EYS: variants seen among roughly 807,000 people sequenced by gnomAD.
EYS encodes the protein EGF-like photoreceptor maintenance factor.
EYS carries 250 observed loss-of-function variants against 282.1 expected under a neutral mutation model. The ratio of observed to expected loss-of-function variants is 0.89; its 90% confidence interval spans 0.80 to 0.98. The LOEUF (loss-of-function observed/expected upper bound fraction) is 0.98. EYS is among the 50% of genes least tolerant of loss of function. The pLI, the probability that EYS is intolerant of heterozygous loss-of-function variation, is 0.00. For missense variants in EYS, 4,016 were observed against 3,709.0 expected (o/e 1.08, Z -2.15); for synonymous variants, 1,355 against 1,282.9 (o/e 1.06, Z -1.20).
intron 1 of EYS, among the ~76,000 whole-genome samples, chr6:65,699,907 G>T (rs1769597734): frequency 6.6e-6 from 1 of 151,678 alleles, no homozygotes; most frequent in Non-Finnish European, 1.5e-5. Flanking sequence ...GAGGTCAGGA[G>T]ATCGAGACCA....
intron 14 of EYS, among the ~76,000 whole-genome samples, chr6:64,984,646 C>G (rs947472003): frequency 6.6e-6 from 1 of 151,286 alleles, no homozygotes; most frequent in East Asian, 1.9e-4. Flanking sequence ...TATTGATAGA[C>G]GAGACTATTT....
intron 12 of EYS, among the ~76,000 whole-genome samples, chr6:65,065,667 G>A (rs1397273242): frequency 6.6e-6 from 1 of 152,034 alleles, no homozygotes; most frequent in Non-Finnish European, 1.5e-5. Flanking sequence ...ACAGGCGTGA[G>A]CCACCACACC....
chr6:65,697,239 C>G lies in EYS; in HGVS notation c.-448+9896G>C, dbSNP rs988679015. On this transcript the variant is annotated intron_variant, in intron 1 of 42. Transcript: ENST00000503581. ...AGTCAATTCTCAGTGTATATCATAA[C>G]GAATAGCTACTTCATCATGTATACT... is the stretch of plus-strand genomic sequence containing the variant. 1.0e-3 allele frequency among the ~76,000 whole-genome samples: 153 copies of G among 151,908 alleles called. 2 individuals are homozygous for G. The highest frequency in any genetic ancestry group is 1.0e-2 in the Admixed American group (152 of 15,246).
At chr6:64,759,950 A>G (rs1412531821) in intron 22 of EYS, among the ~76,000 whole-genome samples, 1 of 152,224 alleles carries the variant, frequency 6.6e-6, no homozygotes, top group Non-Finnish European at 1.5e-5. Context: ...TTTGTACAAT[A>G]TTTGAGGCAA....
intron 22 of EYS, among the ~76,000 whole-genome samples, chr6:64,657,168 G>A (rs2149883442): frequency 6.6e-6 from 1 of 152,172 alleles, no homozygotes; most frequent in South Asian, 2.1e-4. Flanking sequence ...CAGAGACTAG[G>A]ATTGCAACCC....
intron 12 of EYS, among the ~76,000 whole-genome samples, chr6:65,278,942 A>T (rs561353501): frequency 1.3e-5 from 2 of 152,084 alleles, no homozygotes; most frequent in East Asian, 3.9e-4. Flanking sequence ...TAATCCCAGC[A>T]CTTTGGGAGG....
chr6:64,999,535 C>T lies in EYS; in HGVS notation c.2138-1832G>A, dbSNP rs186699056. Among the ~76,000 whole-genome samples the T allele has an allele frequency of 9.2e-5, 14 of 152,264 alleles. No individual in the cohort carries two copies. In the South Asian group the frequency reaches 2.1e-3, roughly 23 times the overall value. On this transcript the variant is annotated intron_variant, in intron 13 of 42. Transcript: ENST00000503581. ...CCACCCCCATGGATCTACGTGAGGA[C>T]GGCACTCCTGCCTTTATGCCAGAAT... is the stretch of plus-strand genomic sequence containing the variant.
At chr6:64,187,997 A>G (rs996505989) in intron 31 of EYS, among the ~76,000 whole-genome samples, 1 of 152,174 alleles carries the variant, frequency 6.6e-6, no homozygotes, top group African/African-American at 2.4e-5. Context: ...TGTAACATAC[A>G]AAGTAATGAG....
chr6:64,736,691 G>A (rs918275001), intron 22 of EYS, among the ~76,000 whole-genome samples: 2 of 151,988 alleles, frequency 1.3e-5, no homozygotes, highest in Admixed American at 6.6e-5. Context: ...TCCTGCTTGA[G>A]GTATTTCTAT....
intron 19 of EYS, among the ~76,000 whole-genome samples, chr6:64,876,204 T>C (rs1337061015): frequency 2.0e-5 from 3 of 152,126 alleles, no homozygotes; most frequent in Non-Finnish European, 2.9e-5. Flanking sequence ...TATTTTAATT[T>C]AGAATGAACC....
chr6:65,332,501 C>A, intron 11 of EYS: 1 of 1,114,486 alleles, frequency 9.0e-7, no homozygotes, highest in Non-Finnish European at 1.3e-6. Context: ...TCCATTTATT[C>A]AGAGTATATA....
chr6:64,048,370 C>T (rs963859095), intron 33 of EYS, among the ~76,000 whole-genome samples: 1 of 151,966 alleles, frequency 6.6e-6, no homozygotes, highest in Non-Finnish European at 1.5e-5. Context: ...CAGTTGTTTC[C>T]GTTGTGACTT....
intron 35 of EYS, among the ~76,000 whole-genome samples, chr6:63,969,779 A>C (rs1288146233): frequency 6.6e-6 from 1 of 152,214 alleles, no homozygotes; most frequent in Admixed American, 6.5e-5. Flanking sequence ...CCAGTTCAAG[A>C]TGACAATGAG....
intron 11 of EYS, among the ~76,000 whole-genome samples, chr6:65,334,388 A>C (rs539996723): frequency 1.3e-5 from 2 of 151,624 alleles, no homozygotes; most frequent in African/African-American, 2.4e-5. Context: ...CAGCCTCCCA[A>C]GTAGCTAGGG....
chr6:65,363,265 C>G (rs1764784183), intron 8 of EYS, among the ~76,000 whole-genome samples: 1 of 151,896 alleles, frequency 6.6e-6, no homozygotes, highest in East Asian at 1.9e-4. Context: ...TTTCATTCTT[C>G]TATCAAACAA....
intron 11 of EYS, chr6:65,331,802 T>A: frequency 1.2e-6 from 1 of 801,768 alleles, no homozygotes; most frequent in Non-Finnish European, 1.5e-6. Flanking sequence ...ATGTTTTCAA[T>A]GTTTATTCGT....
At chr6:64,601,531 A>T (rs1766761716) in intron 24 of EYS, among the ~76,000 whole-genome samples, 1 of 152,024 alleles carries the variant, frequency 6.6e-6, no homozygotes, top group South Asian at 2.1e-4. Context: ...CTTTCATAAC[A>T]CATTTCAAAT....
chr6:64,480,896 G>A (rs1039637714), intron 26 of EYS, among the ~76,000 whole-genome samples: 1 of 151,606 alleles, frequency 6.6e-6, no homozygotes, highest in African/African-American at 2.4e-5. Flanking sequence ...AAGTTATGTT[G>A]TAGTTACACT....
intron 2 of EYS, among the ~76,000 whole-genome samples, chr6:65,514,931 T>G (rs989647036): frequency 2.0e-5 from 3 of 152,032 alleles, no homozygotes; most frequent in African/African-American, 7.2e-5. Context: ...AAAGCCAAAA[T>G]TGACAAATGG....
Sources: gnomAD v4.1 joint callset for allele counts (sites outside exome capture counted in the v4.1 genomes callset) on GRCh38, gnomAD v4.1.1 for gene constraint, MANE v1.5 for transcripts, NCBI Gene and HGNC (gene_info 2026-07-23, HGNC 2026-07-21) for gene names.